Variants in FPGS observed in about 807,000 individuals in gnomAD.
FPGS encodes folylpolyglutamate synthase.
In FPGS, 53 loss-of-function variants were observed where a neutral mutation model predicts 66.5. The ratio of observed to expected loss-of-function variants is 0.80; its 90% CI spans 0.64 to 1.00. The LOEUF is 1.00. FPGS is among the 50% of genes least tolerant of loss of function. The pLI is 0.00. For synonymous variants in FPGS, 348 were observed against 350.9 expected (o/e 0.99, Z 0.09); for missense variants, 702 against 807.7 (o/e 0.87, Z 1.59).
Position 127,813,942 on chromosome 9 carries a change from A to G in FPGS, c.*338A>G. ...GCCTGGCCAGGCCCTGGGTCTTGCC[A>G]TGTGCTGGGTGGTAGATTTCCTCCT... On this transcript the variant is annotated 3_prime_UTR_variant, in exon 15 of 15. Transcript: ENST00000373247. 2 of 1,109,224 alleles carry G rather than the reference A, an allele frequency of 1.8e-6. No homozygotes were observed. Among genetic ancestry groups the G allele is most frequent in the Non-Finnish European group, 2.2e-6 (2 of 910,522 alleles). The allele number at this position is 1,109,224 out of a possible 1,614,324, so 68.7% of individuals were successfully genotyped here.
At chr9:127,808,480 C>T in intron 9 of FPGS, 78 bp from the exon 10 acceptor site, 1 of 1,581,042 alleles carries the variant, frequency 6.3e-7, no homozygotes, top group African/African-American at 1.3e-5. Context: ...GGCTTGGTGG[C>T]TGGGGGAGGG....
At chr9:127,804,855 C>T (rs1487728176) in intron 4 of FPGS, 155 bp downstream of exon 4, 12 of 709,742 alleles carry the variant, frequency 1.7e-5, no homozygotes, top group South Asian at 1.0e-4. Flanking sequence ...TCAGTTAGCA[C>T]TTACCATATT....
Position 127,804,297 on chromosome 9 carries a change from A to T in FPGS, c.151A>T (p.Met51Leu). The change falls in exon 2 of 15, where the codon ATG becomes TTG. Residue 51 changes from methionine (M) to leucine (L), a missense_variant. Coordinates refer to ENST00000373247, the MANE Select transcript of FPGS (RefSeq NM_004957.6). ...CTGTGGTTGCCAGGATGCCGTGCGC[A>T]TGCTCAATACCCTGCAGACCAATGC... Reference protein sequence around the residue: ...PSMEYQDAVRMLNTLQTNAGY... With the variant: ...PSMEYQDAVRLLNTLQTNAGY... 1.9e-6 allele frequency: 3 copies of T among 1,614,166 alleles called. No individual in the cohort carries two copies. Among genetic ancestry groups the T allele is most frequent in the Non-Finnish European group, 2.5e-6 (3 of 1,180,006 alleles).
Position 127,813,188 on chromosome 9 carries a change from C to A in FPGS, c.1355-7C>A. On this transcript the variant is annotated splice_region_variant and splice_polypyrimidine_tract_variant and intron_variant, in intron 14 of 14. Transcript: ENST00000373247. ...TTCGCTGATAGGCCTTTCTCTGTGC[C>A]CCACAGACCAACAGAACTTCACAGT... 1 of 1,562,690 alleles carries A rather than the reference C, an allele frequency of 6.4e-7. No individual in the cohort carries two copies. The highest frequency in any genetic ancestry group is 1.2e-5 in the South Asian group (1 of 83,970).
chr9:127,808,734 G>A, intron 10 of FPGS, 29 bp downstream of exon 10: 1 of 1,568,026 alleles, frequency 6.4e-7, no homozygotes, highest in Non-Finnish European at 8.6e-7. Context: ...GGGCAGGCAG[G>A]TGGGTGGCAC....
chr9:127,807,179 T>C lies in FPGS; in HGVS notation c.502-30T>C. 2 of 1,613,470 alleles carry C rather than the reference T, an allele frequency of 1.2e-6. No individual in the cohort carries two copies. Among genetic ancestry groups the C allele is most frequent in the African/African-American group, 1.3e-5 (1 of 75,034 alleles). On this transcript the variant is annotated intron_variant, in intron 5 of 14. Transcript: ENST00000373247. The surrounding 1 kb of genome is among the most constrained non-coding windows in gnomAD (Gnocchi z 5.8). Reference sequence around the variant, plus strand: ...TCCCCAGAGAAGGGGCTGCATGGGCTCTGGGCCCTGACATGTCCCTGTGCC... The same window carrying C: ...TCCCCAGAGAAGGGGCTGCATGGGCCCTGGGCCCTGACATGTCCCTGTGCC...
intron 14 of FPGS, 144 bp downstream of exon 14, chr9:127,811,155 C>T (rs1023205628): frequency 2.3e-6 from 1 of 430,972 alleles, no homozygotes. Context: ...CTCTTTTATA[C>T]ACCAAAGTAT....
chr9:127,803,610 C>T (rs1829693971), intron 1 of FPGS, among the ~76,000 whole-genome samples: 1 of 152,082 alleles, frequency 6.6e-6, no homozygotes, highest in Non-Finnish European at 1.5e-5. Flanking sequence ...TAGACCAGAC[C>T]CTGATGCCAG....
In FPGS at chr9:127,807,136, G is replaced by T. The variant is rs200153734; in HGVS notation, c.501+49G>T. 3.7e-6 allele frequency: 6 copies of T among 1,602,610 alleles called. No individual in the cohort carries two copies. The African/African-American group carries it at 8.0e-5, about 21-fold the overall frequency. ...GGGTGGGTATGGTTGGGGGTGCTACGTGTTCCAGCACCCCATCTCCCCAGA... is the reference window on the plus strand; with the variant it reads ...GGGTGGGTATGGTTGGGGGTGCTACTTGTTCCAGCACCCCATCTCCCCAGA... On this transcript the variant is annotated intron_variant, in intron 5 of 14. Transcript: ENST00000373247. This position sits in a 1 kb window ranked among gnomAD's most constrained non-coding sequence, Gnocchi z 5.8.
intron 12 of FPGS, 66 bp downstream of exon 12, chr9:127,809,900 G>A: frequency 1.9e-6 from 2 of 1,034,288 alleles, no homozygotes; most frequent in Non-Finnish European, 2.9e-6. Flanking sequence ...CTTGGGGAAG[G>A]GCGGGGCGGG....
At chr9:127,814,250 G>GGCATATGGTGAACAGGC, downstream of FPGS, 2 of 673,904 alleles carry the variant, frequency 3.0e-6, no homozygotes, top group South Asian at 6.5e-5. Flanking sequence ...ACTGAAGCCT[G>GGCATATGGTGAACAGGC]TTCACCATAT....
intron 4 of FPGS, among the ~76,000 whole-genome samples, chr9:127,806,209 A>G (rs545291605): frequency 6.6e-6 from 1 of 151,728 alleles, no homozygotes; most frequent in South Asian, 2.1e-4. Flanking sequence ...TCTCTACTAA[A>G]AATACCAAAA....
intron 1 of FPGS, among the ~76,000 whole-genome samples, chr9:127,803,677 T>C (rs1397739672): frequency 6.6e-6 from 1 of 152,096 alleles, no homozygotes; most frequent in Non-Finnish European, 1.5e-5. Flanking sequence ...CTTGAGGTCC[T>C]GAGGGTGGGA....
At chr9:127,812,686 T>C (rs1474346742) in intron 14 of FPGS, among the ~76,000 whole-genome samples, 2 of 140,076 alleles carry the variant, frequency 1.4e-5, no homozygotes, top group Non-Finnish European at 3.2e-5. Flanking sequence ...GTCCAGCTAA[T>C]TTTTGTGTGT....
intron 4 of FPGS, among the ~76,000 whole-genome samples, chr9:127,805,140 C>T (rs190491457): frequency 2.6e-5 from 4 of 152,038 alleles, no homozygotes; most frequent in South Asian, 2.1e-4. Flanking sequence ...CCGCCCACCT[C>T]GGCCTCCTAA....
intron 13 of FPGS, among the ~76,000 whole-genome samples, chr9:127,810,721 G>A (rs1361855067): frequency 2.0e-5 from 3 of 152,172 alleles, no homozygotes; most frequent in Non-Finnish European, 4.4e-5. Flanking sequence ...CTGTTCCCCT[G>A]TCTGTACAGT....
At chr9:127,810,175 G>A in intron 13 of FPGS, 69 bp downstream of exon 13, 1 of 1,337,316 alleles carries the variant, frequency 7.5e-7, no homozygotes, top group Non-Finnish European at 1.1e-6. Flanking sequence ...GTGACCCTGG[G>A]GGGTGCCAAT....
Position 127,807,001 on chromosome 9 carries a change from C to T in FPGS, c.415C>T (p.Arg139Trp), listed in dbSNP as rs768794646. Residue 139 changes from arginine (R) to tryptophan (W), a missense_variant, in exon 5 of 15, where the codon CGG becomes TGG. Arg to Trp is a moderately radical substitution (Grantham distance 101). Around this residue, in one of 3 missense-constraint regions of FPGS, gnomAD observed 240 missense variants for 348.6 expected, o/e 0.69. Coordinates refer to ENST00000373247, the MANE Select transcript of FPGS (RefSeq NM_004957.6). The surrounding 1 kb of genome is among the most constrained non-coding windows in gnomAD (Gnocchi z 5.8). The stretch of plus-strand genomic sequence containing the variant: ...TCCCCACCTGGTGCAGGTTCGGGAG[C>T]GGATCCGCATCAATGGGCAGCCCAT... ...SSPHLVQVRE[R>W]IRINGQPISP... is the part of the protein sequence containing the mutation. 9 of 1,614,060 alleles carry T rather than the reference C, an allele frequency of 5.6e-6. No individual in the cohort carries two copies. Among genetic ancestry groups the T allele is most frequent in the Non-Finnish European group, 7.6e-6 (9 of 1,179,964 alleles).
chr9:127,813,405 A>T lies in FPGS; in HGVS notation c.1565A>T (p.His522Leu), dbSNP rs1415122123. 1 of 1,608,698 alleles carries T rather than the reference A, an allele frequency of 6.2e-7. No homozygotes were observed. Among genetic ancestry groups the T allele is most frequent in the South Asian group, 1.1e-5 (1 of 90,662 alleles). Residue 522 changes from histidine (H) to leucine (L), a missense_variant, in exon 15 of 15, where the codon CAT (histidine) becomes CTT (leucine). Physicochemically the swap from His to Leu is moderately conservative, Grantham distance 99 (BLOSUM62 -3). This residue lies in a region of FPGS where 351 missense variants were observed against 363.7 expected (regional missense o/e 0.97). Coordinates refer to ENST00000373247, the MANE Select transcript of FPGS (RefSeq NM_004957.6). ...ASSLVFSCIS[H>L]ALQWISQGRD... ...TCCCTCGTCTTCAGCTGCATTTCACATGCCTTGCAATGGATCAGCCAAGGC... is the reference window on the plus strand; with the variant it reads ...TCCCTCGTCTTCAGCTGCATTTCACTTGCCTTGCAATGGATCAGCCAAGGC...
Sources: gnomAD v4.1 joint callset for allele counts (sites outside exome capture counted in the v4.1 genomes callset) on GRCh38, gnomAD v4.1.1 for gene constraint, gnomAD v4.1.1 regional missense constraint, Gnocchi (gnomAD v3.1) non-coding constraint, MANE v1.5 for transcripts, NCBI Gene and HGNC (gene_info 2026-07-23, HGNC 2026-07-21) for gene names.